ITSN1: variants seen among roughly 807,000 people sequenced by gnomAD.
The protein encoded by ITSN1 is intersectin-1.
A neutral mutation model predicts 239.8 loss-of-function variants in ITSN1; 58 were observed. The ratio of observed to expected loss-of-function variants is 0.24; its 90% CI spans 0.20 to 0.30. The LOEUF is 0.30. Ranked by LOEUF, ITSN1 falls within the 10% of genes least tolerant of loss-of-function variation. ITSN1 has a pLI of 1.00. For missense variants in ITSN1, 1,558 were observed against 2,103.3 expected, an observed-to-expected ratio of 0.74 and a Z score of 5.07; for synonymous variants, 780 against 770.8, an observed-to-expected ratio of 1.01 and a Z score of -0.20.
intron 1 of ITSN1, among the ~76,000 whole-genome samples, chr21:33,682,810 T>C (rs79268524): frequency 7.1e-6 from 1 of 141,514 alleles, no homozygotes; most frequent in African/African-American, 3.0e-5. Context: ...GCTTGAGCCC[T>C]TTTTTTTTTC....
In ITSN1 at chr21:33,791,074, T is replaced by C. The variant is rs80025377; in HGVS notation, c.1825-3267T>C. 9.1e-3 allele frequency among the ~76,000 whole-genome samples: 1,386 copies of C among 152,354 alleles called. 12 individuals carry two copies. Among genetic ancestry groups the C allele is most frequent in the Middle Eastern group, 0.031 (9 of 294 alleles). On this transcript the variant is annotated intron_variant, in intron 16 of 39. Transcript: ENST00000381318. The stretch of plus-strand genomic sequence containing the variant: ...TAAGAGTATATATTTCTTCATTCTA[T>C]AGATTGCCTTCTCGGAAGTTCAACT...
At chr21:33,883,776 C>T in intron 36 of ITSN1, 105 bp downstream of exon 36, 1 of 1,368,230 alleles carries the variant, frequency 7.3e-7, no homozygotes, top group Non-Finnish European at 1.0e-6. Context: ...AGTGGCAATG[C>T]CATCACCCCT....
At chr21:33,871,613 T>C (rs1354412670) in intron 33 of ITSN1, among the ~76,000 whole-genome samples, 1 of 151,992 alleles carries the variant, frequency 6.6e-6, no homozygotes, top group East Asian at 1.9e-4. Context: ...TGGTGGTGCA[T>C]GCCTGTAGTC....
chr21:33,750,529 T>G (rs79018145), intron 6 of ITSN1, among the ~76,000 whole-genome samples: 18 of 152,244 alleles, frequency 1.2e-4, no homozygotes, highest in Non-Finnish European at 2.5e-4. Flanking sequence ...AAGAGAATTA[T>G]AGATTTCTGG....
chr21:33,830,921 G>A (rs771924717), intron 27 of ITSN1, among the ~76,000 whole-genome samples: 5 of 151,948 alleles, frequency 3.3e-5, no homozygotes, highest in East Asian at 1.9e-4. Flanking sequence ...GAGGGAGAAC[G>A]CGCACAAATG....
At chr21:33,712,188 A>T (rs961185233) in intron 1 of ITSN1, among the ~76,000 whole-genome samples, 42 of 145,954 alleles carry the variant, frequency 2.9e-4, no homozygotes, top group African/African-American at 1.0e-3. Context: ...GTTGATTGCA[A>T]TTTTTTTTTT....
At chr21:33,855,385 T>G (rs1469268172) in intron 29 of ITSN1, among the ~76,000 whole-genome samples, 1 of 152,218 alleles carries the variant, frequency 6.6e-6, no homozygotes, top group Non-Finnish European at 1.5e-5. Context: ...TTTTGCACTG[T>G]GCTCCATTGT....
At chr21:33,657,822 C>T (rs1249766266) in intron 1 of ITSN1, among the ~76,000 whole-genome samples, 1 of 152,030 alleles carries the variant, frequency 6.6e-6, no homozygotes, top group African/African-American at 2.4e-5. Context: ...CCCATCTCTA[C>T]AAAAATTTTA....
At chr21:33,822,856 T>C (rs1030557906) in intron 24 of ITSN1, among the ~76,000 whole-genome samples, 3 of 152,244 alleles carry the variant, frequency 2.0e-5, no homozygotes, top group African/African-American at 4.8e-5. Context: ...TAGATGCCCA[T>C]TTTTAACTAA....
intron 5 of ITSN1, among the ~76,000 whole-genome samples, chr21:33,749,135 G>A (rs186077851): frequency 6.6e-6 from 1 of 151,738 alleles, no homozygotes; most frequent in Non-Finnish European, 1.5e-5. Flanking sequence ...CCTACAGGCG[G>A]GTACCACCAT....
At chr21:33,775,733 A>G (rs1454424652) in intron 14 of ITSN1, among the ~76,000 whole-genome samples, 1 of 152,204 alleles carries the variant, frequency 6.6e-6, no homozygotes, top group African/African-American at 2.4e-5. Flanking sequence ...TAGTCCACCA[A>G]CAGGACTTTG....
chr21:33,676,940 G>A (rs1247583668), intron 1 of ITSN1, among the ~76,000 whole-genome samples: 2 of 151,368 alleles, frequency 1.3e-5, no homozygotes, highest in East Asian at 3.9e-4. Flanking sequence ...CTCACTCATA[G>A]GTGGGAATTG....
At position 33,752,106 on chromosome 21, in the gene ITSN1, A is replaced by T. The variant is rs556222616; in HGVS notation, c.623+200A>T. The stretch of plus-strand genomic sequence containing the variant: ...ATTAATTTGTTGCAGAGATGAGAGA[A>T]ATCAAGGACATAACATTTCCTTAAA... On this transcript the variant is annotated intron_variant, in intron 7 of 39. Coordinates refer to ENST00000381318, the MANE Select transcript of ITSN1 (RefSeq NM_003024.3). 3.2e-3 allele frequency among the ~76,000 whole-genome samples: 480 copies of T among 151,804 alleles called. 2 individuals carry two copies. Among genetic ancestry groups the T allele is most frequent in the African/African-American group, 0.011 (455 of 41,452 alleles).
chr21:33,646,256 G>C (rs1473149902), intron 1 of ITSN1, among the ~76,000 whole-genome samples: 1 of 152,158 alleles, frequency 6.6e-6, no homozygotes, highest in South Asian at 2.1e-4. Context: ...TGTGCTCAAG[G>C]TGATTAGCCA....
intron 24 of ITSN1, among the ~76,000 whole-genome samples, chr21:33,823,285 C>A (rs1458209571): frequency 6.6e-6 from 1 of 152,224 alleles, no homozygotes; most frequent in Non-Finnish European, 1.5e-5. Flanking sequence ...GTCTCCCTGT[C>A]TGCAGCTACT....
chr21:33,648,859 G>T (rs2088227971), intron 1 of ITSN1, among the ~76,000 whole-genome samples: 1 of 151,826 alleles, frequency 6.6e-6, no homozygotes, highest in Non-Finnish European at 1.5e-5. Flanking sequence ...GGGCAAGAGA[G>T]AGAGAAAAGA....
At chr21:33,830,540 A>T (rs2074234828) in intron 27 of ITSN1, among the ~76,000 whole-genome samples, 1 of 152,064 alleles carries the variant, frequency 6.6e-6, no homozygotes, top group Non-Finnish European at 1.5e-5. Context: ...GGAGGGAGGG[A>T]GTGACTGGTC....
chr21:33,741,788 G>A (rs1413597435), intron 5 of ITSN1, among the ~76,000 whole-genome samples: 5 of 151,172 alleles, frequency 3.3e-5, no homozygotes, highest in East Asian at 2.0e-4. Context: ...CCAGCTGCTC[G>A]GGAGGCTGAG....
chr21:33,649,933 T>G (rs1378820210), intron 1 of ITSN1, among the ~76,000 whole-genome samples: 1 of 151,512 alleles, frequency 6.6e-6, no homozygotes, highest in Non-Finnish European at 1.5e-5. Context: ...GGAGAATTGC[T>G]TCAATTCCCT....
Sources: allele counts gnomAD v4.1 joint callset (sites outside exome capture counted in the v4.1 genomes callset), GRCh38; gene constraint gnomAD v4.1.1; transcripts MANE v1.5; gene names NCBI Gene and HGNC (gene_info 2026-07-23, HGNC 2026-07-21).